The following MDGA2 variants were observed in gnomAD, a reference collection of about 807,000 sequenced individuals.
MDGA2 encodes the protein MAM domain containing glycosylphosphatidylinositol anchor 2.
Under a neutral mutation model 117.8 loss-of-function variants are expected in MDGA2, and 40 were observed. The observed-to-expected ratio is 0.34, with a 90% CI of 0.26 to 0.44. MDGA2 has a LOEUF of 0.44. MDGA2 is among the 20% of genes least tolerant of loss of function. The pLI, the probability that MDGA2 is intolerant of heterozygous loss-of-function variation, is 1.00. For synonymous variants in MDGA2, 452 were observed against 439.0 expected, an observed-to-expected ratio of 1.03 and a Z score of -0.37; for missense variants, 1,123 against 1,250.6, an observed-to-expected ratio of 0.90 and a Z score of 1.54.
chr14:47,397,718 G>C (rs1158904295), intron 1 of MDGA2, among the ~76,000 whole-genome samples: 1 of 151,932 alleles, frequency 6.6e-6, no homozygotes, highest in Non-Finnish European at 1.5e-5. Context: ...CAAACATAGA[G>C]ATATTTATAT....
At chr14:47,529,612 C>T (rs1206512428) in intron 1 of MDGA2, among the ~76,000 whole-genome samples, 1 of 151,868 alleles carries the variant, frequency 6.6e-6, no homozygotes, top group Non-Finnish European at 1.5e-5. Flanking sequence ...TTTTTTTAAA[C>T]ATTCTTAGTG....
intron 1 of MDGA2, among the ~76,000 whole-genome samples, chr14:47,392,023 T>C (rs1488844160): frequency 6.6e-6 from 1 of 152,174 alleles, no homozygotes; most frequent in East Asian, 1.9e-4. Context: ...ATTCTGTCTG[T>C]AACAGGGTGA....
rs529579730 is a variant in MDGA2, at chr14:47,529,759, A to G, written c.280+144758T>C. On this transcript the variant is annotated intron_variant, in intron 1 of 16. Coordinates refer to ENST00000399232, the MANE Select transcript of MDGA2 (RefSeq NM_001113498.3). ...AGCAGTTGTTTTGATGGGTAGGGGT[A>G]AGTTACATGTTTGGCTAAATGCCGT... 6.6e-5 allele frequency among the ~76,000 whole-genome samples: 10 copies of G among 152,318 alleles called. No individual in the cohort carries two copies. In the East Asian group the frequency reaches 1.9e-3, roughly 29 times the overall value.
At chr14:47,130,376 G>A (rs553770706) in intron 5 of MDGA2, among the ~76,000 whole-genome samples, 3 of 151,850 alleles carry the variant, frequency 2.0e-5, no homozygotes, top group South Asian at 2.1e-4. Flanking sequence ...CTTGTTTTTC[G>A]AGCATTCTCT....
chr14:47,241,238 T>C (rs1887028482), intron 2 of MDGA2, among the ~76,000 whole-genome samples: 1 of 151,862 alleles, frequency 6.6e-6, no homozygotes, highest in Admixed American at 6.6e-5. Flanking sequence ...ATACCTTAAG[T>C]AATCCTAACG....
In MDGA2 at chr14:47,370,470, T is replaced by C. The variant is rs201543028; in HGVS notation, c.281-68920A>G. Among the ~76,000 whole-genome samples the C allele has an allele frequency of 1.3e-3, 54 of 40,846 alleles. No homozygotes were observed. The East Asian group carries it at 0.018, about 14-fold the overall frequency. The allele number at this position is 40,846 out of a possible 152,430, so 26.8% of individuals were successfully genotyped here. ...ACTATTTTCTAGGTCTACTTACTGT[T>C]TTTTTTTTTTTTTTTTTTTTTTTTT... is the stretch of plus-strand genomic sequence containing the variant. On this transcript the variant is annotated intron_variant, in intron 1 of 16. Coordinates refer to ENST00000399232, the MANE Select transcript of MDGA2 (RefSeq NM_001113498.3).
At position 46,920,056 on chromosome 14, in the gene MDGA2, C is replaced by G; in HGVS notation, c.2194G>C (p.Asp732His). The change falls in exon 10 of 17, where the codon GAT becomes CAT. Residue 732 changes from aspartate (D) to histidine (H), a missense_variant. Coordinates refer to ENST00000399232, the MANE Select transcript of MDGA2 (RefSeq NM_001113498.3). ...TATGCAACAATCCGATCCACTGCAT[C>G]AGGATTCATCTGTGTCCACTGTAGA... ...YSLQWTQMNP[D>H]AVDRIVAYRL... is the part of the protein sequence containing the mutation. The G allele has an allele frequency of 6.3e-7, 1 of 1,597,206 alleles. No individual in the cohort carries two copies. Among genetic ancestry groups the G allele is most frequent in the Non-Finnish European group, 8.5e-7 (1 of 1,173,278 alleles).
intron 5 of MDGA2, among the ~76,000 whole-genome samples, chr14:47,126,348 A>G (rs192517373): frequency 2.0e-5 from 3 of 151,200 alleles, no homozygotes; most frequent in Non-Finnish European, 4.4e-5. Context: ...AAATAAATAA[A>G]TAAGTCACTT....
At chr14:47,179,689 C>T (rs1474897311) in intron 3 of MDGA2, among the ~76,000 whole-genome samples, 1 of 151,904 alleles carries the variant, frequency 6.6e-6, no homozygotes, top group African/African-American at 2.4e-5. Context: ...TTCTATGGTT[C>T]ACAGAGGTAG....
chr14:47,079,695 C>G (rs1362899666), intron 6 of MDGA2, among the ~76,000 whole-genome samples: 1 of 109,774 alleles, frequency 9.1e-6, no homozygotes, highest in East Asian at 3.6e-4. Context: ...GTCAAATATA[C>G]TGTGTTATTT....
chr14:47,340,022 A>C (rs1890574113), intron 1 of MDGA2, among the ~76,000 whole-genome samples: 1 of 152,174 alleles, frequency 6.6e-6, no homozygotes, highest in African/African-American at 2.4e-5. Flanking sequence ...GTATGCTCTA[A>C]AGATAGATAT....
chr14:47,278,776 C>G (rs1042498798), intron 2 of MDGA2, among the ~76,000 whole-genome samples: 11 of 152,132 alleles, frequency 7.2e-5, no homozygotes, highest in Non-Finnish European at 1.5e-4. Context: ...AAGTATCTTT[C>G]CTCCTCATCC....
At chr14:47,308,855 C>T (rs574355408) in intron 1 of MDGA2, among the ~76,000 whole-genome samples, 11 of 152,192 alleles carry the variant, frequency 7.2e-5, no homozygotes, top group African/African-American at 1.9e-4. Flanking sequence ...AAGAACAGGG[C>T]AGGAAAATAG....
chr14:47,388,840 C>T (rs1891821141), intron 1 of MDGA2, among the ~76,000 whole-genome samples: 1 of 152,150 alleles, frequency 6.6e-6, no homozygotes, highest in East Asian at 1.9e-4. Flanking sequence ...CTGAGTCTAA[C>T]TCCTCAGCAT....
At chr14:47,372,812 T>C (rs1891392745) in intron 1 of MDGA2, among the ~76,000 whole-genome samples, 1 of 152,004 alleles carries the variant, frequency 6.6e-6, no homozygotes, top group Non-Finnish European at 1.5e-5. Context: ...TAATTAAATT[T>C]GACTATCCAA....
At chr14:47,296,450 A>T (rs1471161408) in intron 2 of MDGA2, among the ~76,000 whole-genome samples, 2 of 152,226 alleles carry the variant, frequency 1.3e-5, no homozygotes, top group African/African-American at 4.8e-5. Context: ...CAAGTCTACA[A>T]GAAGATAAGC....
At chr14:47,448,220 T>A (rs929747689) in intron 1 of MDGA2, among the ~76,000 whole-genome samples, 65 of 152,090 alleles carry the variant, frequency 4.3e-4, no homozygotes, top group African/African-American at 1.4e-3. Context: ...GCAAGATCTC[T>A]GCTCACTGCA....
intron 1 of MDGA2, among the ~76,000 whole-genome samples, chr14:47,530,005 T>C (rs1895061139): frequency 6.6e-6 from 1 of 152,208 alleles, no homozygotes; most frequent in Admixed American, 6.5e-5. Context: ...GTAAAAACAA[T>C]GCCAGGTTGG....
At chr14:47,300,905 G>C (rs778713593) in intron 2 of MDGA2, among the ~76,000 whole-genome samples, 1 of 152,078 alleles carries the variant, frequency 6.6e-6, no homozygotes, top group Non-Finnish European at 1.5e-5. Context: ...GAAGGCCTGA[G>C]TGCATACAGT....
Sources: gnomAD v4.1 joint callset for allele counts (sites outside exome capture counted in the v4.1 genomes callset) on GRCh38, gnomAD v4.1.1 for gene constraint, MANE v1.5 for transcripts, NCBI Gene and HGNC (gene_info 2026-07-23, HGNC 2026-07-21) for gene names.